The following ARHGEF26 variants were observed in gnomAD, a reference collection of about 807,000 sequenced individuals.
The protein encoded by ARHGEF26 is Rho guanine nucleotide exchange factor (GEF) 26.
ARHGEF26 carries 59 observed loss-of-function variants against 89.4 expected under a neutral mutation model. The observed-to-expected ratio is 0.66, with a 90% confidence interval of 0.54 to 0.82. The LOEUF (loss-of-function observed/expected upper bound fraction) is 0.82, where lower values mean the gene tolerates loss of function less well. Ranked by LOEUF, ARHGEF26 falls within the 40% of genes least tolerant of loss-of-function variation. ARHGEF26 has a pLI of 0.00. For missense variants in ARHGEF26, 1,234 were observed against 1,085.6 expected, an observed-to-expected ratio of 1.14 and a Z score of -1.92; for synonymous variants, 500 against 428.4, an observed-to-expected ratio of 1.17 and a Z score of -2.06.
intron 10 of ARHGEF26, among the ~76,000 whole-genome samples, chr3:154,221,615 C>T (rs933705256): frequency 1.7e-4 from 26 of 152,094 alleles, no homozygotes; most frequent in African/African-American, 4.6e-4. Context: ...TTATAGTATA[C>T]GCAAATAATG....
intron 11 of ARHGEF26, among the ~76,000 whole-genome samples, chr3:154,227,167 T>C (rs765739345): frequency 6.6e-6 from 1 of 152,216 alleles, no homozygotes; most frequent in Non-Finnish European, 1.5e-5. Flanking sequence ...AATGTGACAA[T>C]GATACATACA....
Position 154,198,227 on chromosome 3 carries a change from G to A in ARHGEF26, c.1845+3509G>A, listed in dbSNP as rs531130533. On this transcript the variant is annotated intron_variant, in intron 9 of 14. Coordinates refer to ENST00000465093, the MANE Select transcript of ARHGEF26 (RefSeq NM_015595.4). ...GGCCATAATTCAAAAATAAAAAATA[G>A]TAGATGTTGGCATGGATGTGGTGAA... is the stretch of plus-strand genomic sequence containing the variant. Among the ~76,000 whole-genome samples the A allele has an allele frequency of 6.2e-4, 95 of 152,024 alleles. No homozygotes were observed. The South Asian group carries it at 0.019, about 30-fold the overall frequency.
At chr3:154,194,363 G>C (rs1714152347) in intron 8 of ARHGEF26, among the ~76,000 whole-genome samples, 1 of 152,144 alleles carries the variant, frequency 6.6e-6, no homozygotes, top group South Asian at 2.1e-4. Flanking sequence ...TTAGTGACTT[G>C]CTCAAGATTT....
intron 14 of ARHGEF26, 60 bp downstream of exon 14, chr3:154,254,884 G>A (rs1182031988): frequency 6.5e-6 from 9 of 1,394,956 alleles, no homozygotes; most frequent in Middle Eastern, 2.3e-4. Flanking sequence ...CTATAGACCC[G>A]AGGAGTGTCA....
chr3:154,212,841 A>C (rs1195049168), intron 9 of ARHGEF26, among the ~76,000 whole-genome samples: 3 of 152,086 alleles, frequency 2.0e-5, no homozygotes, highest in Admixed American at 1.3e-4. Flanking sequence ...CTGGATTCCT[A>C]ACCAATCCAT....
chr3:154,161,576 A>G (rs1357317384), intron 6 of ARHGEF26, among the ~76,000 whole-genome samples: 1 of 152,176 alleles, frequency 6.6e-6, no homozygotes, highest in African/African-American at 2.4e-5. Flanking sequence ...TGACTTTTGT[A>G]AATATATGCC....
At chr3:154,245,128 A>G (rs908488134) in intron 12 of ARHGEF26, among the ~76,000 whole-genome samples, 2 of 152,174 alleles carry the variant, frequency 1.3e-5, no homozygotes, top group African/African-American at 4.8e-5. Context: ...CACGGGTTCA[A>G]GTGATTCTCC....
chr3:154,244,786 G>A (rs1277985149), intron 12 of ARHGEF26, among the ~76,000 whole-genome samples: 2 of 152,002 alleles, frequency 1.3e-5, no homozygotes, highest in Non-Finnish European at 2.9e-5. Flanking sequence ...GGCCATACAG[G>A]AAGTGAGTTA....
At chr3:154,202,114 C>A (rs1576771541) in intron 9 of ARHGEF26, among the ~76,000 whole-genome samples, 1 of 152,122 alleles carries the variant, frequency 6.6e-6, no homozygotes, top group South Asian at 2.1e-4. Flanking sequence ...CCTAGGTTTT[C>A]TTCTAGAGTT....
At chr3:154,204,714 G>A (rs900889628) in intron 9 of ARHGEF26, among the ~76,000 whole-genome samples, 6 of 151,966 alleles carry the variant, frequency 3.9e-5, no homozygotes, top group South Asian at 2.1e-4. Context: ...GTTTTGATAT[G>A]TTGTGTTTCC....
intron 6 of ARHGEF26, 46 bp downstream of exon 6, chr3:154,152,978 A>G (rs753258989): frequency 1.4e-6 from 2 of 1,424,054 alleles, no homozygotes; most frequent in Non-Finnish European, 1.9e-6. Context: ...GAAGTTGCGT[A>G]CTAATAAACA....
At chr3:154,222,593 T>C (rs1271002348) in intron 10 of ARHGEF26, among the ~76,000 whole-genome samples, 1 of 152,206 alleles carries the variant, frequency 6.6e-6, no homozygotes, top group East Asian at 1.9e-4. Context: ...ATAGACCTGA[T>C]TTATAGTAAA....
In ARHGEF26 at chr3:154,218,039, G is replaced by A. The variant is rs1715890856; in HGVS notation, c.1935+81G>A. 4.8e-6 allele frequency: 6 copies of A among 1,247,468 alleles called. No individual in the cohort carries two copies. In the South Asian group the frequency reaches 5.5e-5, roughly 11 times the overall value. The allele number at this position is 1,247,468 out of a possible 1,614,324, so 77.3% of individuals were successfully genotyped here. ...AGAGACAGTTGAGGGCAACAAAGTA[G>A]ATAGGAAATTGCTTTTCAAAGAAGG... On this transcript the variant is annotated intron_variant, in intron 10 of 14. Coordinates refer to ENST00000465093, the MANE Select transcript of ARHGEF26 (RefSeq NM_015595.4).
rs551411802 is a variant in ARHGEF26 at position 154,253,120 on chromosome 3, G to C, written c.2305G>C (p.Glu769Gln). 8 of 1,613,994 alleles carry C rather than the reference G, an allele frequency of 5.0e-6. No individual in the cohort carries two copies. The highest frequency in any genetic ancestry group is 1.1e-5 in the South Asian group (1 of 91,088). The change falls in exon 13 of 15, where the codon GAG becomes CAG. Residue 769 changes from glutamate (E) to glutamine (Q), a missense_variant. By Grantham distance (29) the Glu-to-Gln change is conservative (BLOSUM62 2). Coordinates refer to ENST00000465093, the MANE Select transcript of ARHGEF26 (RefSeq NM_015595.4). ...EMLLGAETQS[E>Q]RARWITALGH... ...TGGATCTGCCCTCTGTTTTAGGAGC[G>C]AGCGAGCCCGCTGGATAACTGCCCT...
chr3:154,133,004 A>G (rs1287455874), intron 4 of ARHGEF26, among the ~76,000 whole-genome samples: 1 of 152,160 alleles, frequency 6.6e-6, no homozygotes, highest in Non-Finnish European at 1.5e-5. Flanking sequence ...GTGAGTGCAC[A>G]TGTGCATTAG....
chr3:154,184,951 A>G (rs1713427971), intron 6 of ARHGEF26, among the ~76,000 whole-genome samples: 1 of 152,078 alleles, frequency 6.6e-6, no homozygotes, highest in African/African-American at 2.4e-5. Context: ...GCTCCACTGA[A>G]CTTCCCAGTT....
chr3:154,247,152 T>C (rs1576827351), intron 12 of ARHGEF26, among the ~76,000 whole-genome samples: 1 of 152,294 alleles, frequency 6.6e-6, no homozygotes, highest in South Asian at 2.1e-4. Flanking sequence ...CAGCCTCTTA[T>C]CTATGCTCTT....
At position 154,152,936 on chromosome 3, in the gene ARHGEF26, AGTGCACTGCAGTCTGCCTTTGGTC is replaced by A; in HGVS notation, c.1487+9_1487+32del. The A allele has an allele frequency of 6.4e-7, 1 of 1,562,012 alleles. No homozygotes were observed. Among genetic ancestry groups the A allele is most frequent in the South Asian group, 1.3e-5 (1 of 79,508 alleles). On this transcript the variant is annotated splice_donor_5th_base_variant and intron_variant, in intron 6 of 14. Transcript: ENST00000465093. The stretch of plus-strand genomic sequence containing the variant: ...ATGTCTGTGAGGCAAGCAAAAAGTA[AGTGCACTGCAGTCTGCCTTTGGTC>A]GTGCCAAGAAGTTGCGTACTAATAA...
intron 12 of ARHGEF26, among the ~76,000 whole-genome samples, chr3:154,245,810 C>T (rs1455686915): frequency 1.3e-5 from 2 of 152,198 alleles, no homozygotes; most frequent in East Asian, 1.9e-4. Flanking sequence ...TTGTCAGGCA[C>T]CTACTTCCCA....
Sources: gnomAD v4.1 joint callset for allele counts (sites outside exome capture counted in the v4.1 genomes callset) on GRCh38, gnomAD v4.1.1 for gene constraint, MANE v1.5 for transcripts, NCBI Gene and HGNC (gene_info 2026-07-23, HGNC 2026-07-21) for gene names.